CDH2: variants seen among roughly 807,000 people sequenced by gnomAD.
CDH2 encodes the protein cadherin-2.
CDH2 carries 17 observed loss-of-function variants against 92.0 expected under a neutral mutation model. The observed-to-expected ratio is 0.18, with a 90% CI of 0.13 to 0.28. CDH2 has a LOEUF of 0.28. CDH2 is among the 10% of genes least tolerant of loss of function. The pLI is 1.00. For missense variants in CDH2, 862 were observed against 1,133.1 expected (o/e 0.76, Z 3.44); for synonymous variants, 419 against 415.9 (o/e 1.01, Z -0.09).
chr18:28,098,704 G>A (rs2015177910), intron 2 of CDH2, among the ~76,000 whole-genome samples: 1 of 152,010 alleles, frequency 6.6e-6, no homozygotes, highest in African/African-American at 2.4e-5. Flanking sequence ...CACAAATGAG[G>A]AAACATGATA....
chr18:28,081,686 G>A (rs1434304413), intron 2 of CDH2, among the ~76,000 whole-genome samples: 2 of 152,144 alleles, frequency 1.3e-5, no homozygotes, highest in East Asian at 3.8e-4. Flanking sequence ...CTTCAGGACT[G>A]TCCATAAGAC....
At position 27,934,624 on chromosome 18, in the gene CDH2, CTATTAA is replaced by C. The variant is rs1464815383; in HGVS notation, c.1152-1506_1152-1501del. On this transcript the variant is annotated intron_variant, in intron 6 of 6. Transcript: ENST00000675173. The stretch of plus-strand genomic sequence containing the variant: ...TCATCTCTGTAAGCATTGAAACATC[CTATTAA>C]TATTAACATACAATGAAATAGTCAC... Among the ~76,000 whole-genome samples, 4 of 152,250 alleles carry C rather than the reference CTATTAA, an allele frequency of 2.6e-5. No individual in the cohort carries two copies. The South Asian group carries it at 8.3e-4, about 32-fold the overall frequency.
At chr18:28,000,335 C>G (rs2012727011) in intron 7 of CDH2, among the ~76,000 whole-genome samples, 1 of 152,144 alleles carries the variant, frequency 6.6e-6, no homozygotes, top group African/African-American at 2.4e-5. Context: ...CTTCTGGGCT[C>G]AAGCCATCCA....
At chr18:28,175,723 C>T (rs534590609) in intron 1 of CDH2, among the ~76,000 whole-genome samples, 1 of 152,220 alleles carries the variant, frequency 6.6e-6, no homozygotes, top group Non-Finnish European at 1.5e-5. Context: ...CAGGCACTTC[C>T]GAGCTGCGTC....
intron 15 of CDH2, among the ~76,000 whole-genome samples, chr18:27,955,529 T>G (rs1049011192): frequency 6.6e-6 from 1 of 151,700 alleles, no homozygotes; most frequent in East Asian, 1.9e-4. Context: ...GTCCAGGGAA[T>G]AAACACAAGA....
chr18:28,171,434 C>CTAAAAATAAT (rs1025578102), intron 1 of CDH2, among the ~76,000 whole-genome samples: 1 of 151,966 alleles, frequency 6.6e-6, no homozygotes, highest in Non-Finnish European at 1.5e-5. Flanking sequence ...CATTTTAAGC[C>CTAAAAATAAT]TAAAAATAAT....
At chr18:28,025,596 ATAT>A (rs967674940) in intron 2 of CDH2, among the ~76,000 whole-genome samples, 26 of 150,574 alleles carry the variant, frequency 1.7e-4, no homozygotes, top group Admixed American at 1.4e-3. Flanking sequence ...ATAAGAGTAA[ATAT>A]TATTATTTTT....
intron 6 of CDH2, among the ~76,000 whole-genome samples, chr18:27,942,917 A>C (rs148708855): frequency 1.5e-3 from 228 of 152,226 alleles, no homozygotes; most frequent in African/African-American, 5.2e-3. Flanking sequence ...TCTTGGTGCA[A>C]GCAGTCAAGG....
chr18:28,045,670 C>T (rs532263156), intron 2 of CDH2: 31 of 275,718 alleles, frequency 1.1e-4, no homozygotes, highest in Admixed American at 2.6e-4. Flanking sequence ...ACAAAGCCCT[C>T]CCCCACATGT....
At chr18:28,130,699 C>T (rs1301515395) in intron 2 of CDH2, among the ~76,000 whole-genome samples, 1 of 152,192 alleles carries the variant, frequency 6.6e-6, no homozygotes, top group African/African-American at 2.4e-5. Context: ...GCTCTGTCCC[C>T]AGTGACTGAA....
At chr18:27,986,922 A>G (rs998690105) in intron 11 of CDH2, among the ~76,000 whole-genome samples, 3 of 152,380 alleles carry the variant, frequency 2.0e-5, no homozygotes, top group South Asian at 4.1e-4. Flanking sequence ...CAATTTATCA[A>G]TAATGAAACT....
At chr18:27,946,175 T>C (rs1289323370), downstream of CDH2, among the ~76,000 whole-genome samples, 1 of 152,062 alleles carries the variant, frequency 6.6e-6, no homozygotes, top group Non-Finnish European at 1.5e-5. Flanking sequence ...CAAGAACTGA[T>C]AAACCAAATG....
At position 28,147,667 on chromosome 18, in the gene CDH2, T is replaced by G. The variant is rs188251941; in HGVS notation, c.172+6A>C. Reference sequence around the variant, plus strand: ...GCATGTACAAATATATCTTTTGAGATAGTACCATTGAGAAGAGGCTGTCCT... The same window carrying G: ...GCATGTACAAATATATCTTTTGAGAGAGTACCATTGAGAAGAGGCTGTCCT... On this transcript the variant is annotated splice_donor_region_variant and intron_variant, in intron 2 of 15. Transcript: ENST00000269141. 4.5e-4 allele frequency: 695 copies of G among 1,528,468 alleles called. 3 individuals carry two copies. In the African/African-American group the frequency reaches 7.8e-3, roughly 17 times the overall value. 94.7% of individuals were successfully genotyped at this position (1,528,468 alleles called of 1,614,324 possible).
intron 14 of CDH2, among the ~76,000 whole-genome samples, chr18:27,969,485 A>G (rs1176203954): frequency 2.0e-5 from 3 of 152,182 alleles, no homozygotes; most frequent in Non-Finnish European, 4.4e-5. Flanking sequence ...TTACACTTCT[A>G]TTTTAGAAAC....
chr18:28,175,677 C>T (rs1257567887), intron 1 of CDH2, among the ~76,000 whole-genome samples: 3 of 152,172 alleles, frequency 2.0e-5, no homozygotes, highest in African/African-American at 7.2e-5. Context: ...GACCACGGAG[C>T]GGGGTAATCC....
intron 14 of CDH2, among the ~76,000 whole-genome samples, chr18:27,981,755 T>C (rs1228514828): frequency 6.6e-6 from 1 of 152,218 alleles, no homozygotes; most frequent in African/African-American, 2.4e-5. Flanking sequence ...TTTATTCAAT[T>C]AGCAGGCTTA....
intron 2 of CDH2, among the ~76,000 whole-genome samples, chr18:28,025,525 A>T (rs933849064): frequency 2.7e-5 from 4 of 149,644 alleles, no homozygotes; most frequent in Non-Finnish European, 5.9e-5. Context: ...CCAGAAAAAA[A>T]ATAATAATAA....
intron 1 of CDH2, among the ~76,000 whole-genome samples, chr18:28,173,727 T>C (rs1485266768): frequency 1.3e-5 from 2 of 152,068 alleles, no homozygotes; most frequent in Admixed American, 1.3e-4. Flanking sequence ...ATTAGAACAA[T>C]GGGGTTATGC....
intron 2 of CDH2, among the ~76,000 whole-genome samples, chr18:28,072,188 C>T (rs1289651922): frequency 6.6e-6 from 1 of 152,060 alleles, no homozygotes; most frequent in Non-Finnish European, 1.5e-5. Flanking sequence ...TCAGTCTCTT[C>T]TACCTCTCTC....
Sources: allele counts gnomAD v4.1 joint callset (sites outside exome capture counted in the v4.1 genomes callset), GRCh38; gene constraint gnomAD v4.1.1; transcripts MANE v1.5; gene names NCBI Gene and HGNC (gene_info 2026-07-23, HGNC 2026-07-21).